XIRP2: variants seen among roughly 807,000 people sequenced by gnomAD.
XIRP2 encodes xin actin-binding repeat-containing protein 2.
Under a neutral mutation model 277.0 loss-of-function variants are expected in XIRP2, and 236 were observed. The ratio of observed to expected loss-of-function variants is 0.85; its 90% CI spans 0.77 to 0.95. The LOEUF is 0.95. XIRP2 is among the 40% of genes least tolerant of loss of function. The probability of loss-of-function intolerance (pLI) is 0.00; values close to 1 mark genes in which losing one functional copy is unlikely to be tolerated. For missense variants in XIRP2, 4,640 were observed against 4,157.5 expected (o/e 1.12, Z -3.19); for synonymous variants, 1,490 against 1,416.5 (o/e 1.05, Z -1.17).
At chr2:167,062,903 T>G (rs2105241791) in intron 2 of XIRP2, among the ~76,000 whole-genome samples, 1 of 151,776 alleles carries the variant, frequency 6.6e-6, no homozygotes, top group Non-Finnish European at 1.5e-5. Context: ...ACTTTTGGGT[T>G]GATTGATTTT....
intron 2 of XIRP2, among the ~76,000 whole-genome samples, chr2:166,925,061 T>C (rs1366523407): frequency 2.0e-5 from 3 of 152,050 alleles, no homozygotes; most frequent in African/African-American, 7.2e-5. Flanking sequence ...ACATGTGTTT[T>C]TCTCTGTGTT....
In XIRP2 at chr2:167,190,221, T is replaced by C. The variant is rs534596724; in HGVS notation, c.563-20514T>C. On this transcript the variant is annotated intron_variant, in intron 3 of 10. Coordinates refer to ENST00000409195, the MANE Select transcript of XIRP2 (RefSeq NM_152381.6). ...GAGTTGTTATGGCGGCTTCATTACA[T>C]AAGGCATGAGTGACTAAATCATTGA... 2.0e-5 allele frequency among the ~76,000 whole-genome samples: 3 copies of C among 152,236 alleles called. No homozygotes were observed. In the East Asian group the frequency reaches 5.8e-4, roughly 29 times the overall value.
At chr2:167,161,666 C>T (rs931678005) in intron 3 of XIRP2, among the ~76,000 whole-genome samples, 3 of 152,132 alleles carry the variant, frequency 2.0e-5, no homozygotes, top group South Asian at 2.1e-4. Flanking sequence ...ACTTTTTCCT[C>T]CTGCACCTCT....
intron 2 of XIRP2, among the ~76,000 whole-genome samples, chr2:166,919,773 A>C (rs1046647263): frequency 1.3e-5 from 2 of 152,122 alleles, no homozygotes; most frequent in African/African-American, 4.8e-5. Flanking sequence ...AAAAACCAGG[A>C]GCTCCACAGA....
In XIRP2 at chr2:167,221,460, CAAA is replaced by C. The variant is rs57006710; in HGVS notation, c.858+3183_858+3185del. Among the ~76,000 whole-genome samples, 126 of 63,490 alleles carry C rather than the reference CAAA, an allele frequency of 2.0e-3. 1 individual carries two copies. Among genetic ancestry groups the C allele is most frequent in the African/African-American group, 5.3e-3 (114 of 21,604 alleles). The allele number at this position is 63,490 out of a possible 152,430, so 41.7% of individuals were successfully genotyped here. On this transcript the variant is annotated intron_variant, in intron 5 of 10. Transcript: ENST00000409195. ...GGGCAACAAGAGCGAAACTCCATCT[CAAA>C]AAAAAAAAAAAAAAAAAAAAAAGGA...
chr2:167,053,378 T>A (rs1055615206), intron 2 of XIRP2, among the ~76,000 whole-genome samples: 1 of 152,206 alleles, frequency 6.6e-6, no homozygotes, highest in Non-Finnish European at 1.5e-5. Context: ...TAATGTTCTC[T>A]TGTCTTTCAA....
intron 2 of XIRP2, among the ~76,000 whole-genome samples, chr2:167,049,522 ATAAT>A (rs925641111): frequency 2.7e-5 from 4 of 145,778 alleles, no homozygotes; most frequent in Admixed American, 6.7e-5. Flanking sequence ...AAAAAAAAAC[ATAAT>A]TAAGAAAAGC....
chr2:167,108,107 T>C (rs1416466854), intron 2 of XIRP2, among the ~76,000 whole-genome samples: 2 of 149,322 alleles, frequency 1.3e-5, no homozygotes, highest in Non-Finnish European at 3.0e-5. Context: ...ATTAGTTTCT[T>C]TTATCTAAGC....
intron 2 of XIRP2, among the ~76,000 whole-genome samples, chr2:167,085,636 G>A (rs1330530476): frequency 6.6e-6 from 1 of 152,056 alleles, no homozygotes; most frequent in South Asian, 2.1e-4. Flanking sequence ...CCTGTATTGG[G>A]TGCATATATA....
intron 2 of XIRP2, among the ~76,000 whole-genome samples, chr2:166,956,360 A>G (rs1021445712): frequency 1.3e-5 from 2 of 151,844 alleles, no homozygotes; most frequent in Non-Finnish European, 2.9e-5. Flanking sequence ...TTTGAACTAT[A>G]TCTTAGGAGG....
In XIRP2 at chr2:166,996,828, G is replaced by A. The variant is rs190018729; in HGVS notation, c.408+92938G>A. ...ACATAAACTCACCTCTCAAATTTAG[G>A]AACTCACTCAATCTTCACTTCTGTC... On this transcript the variant is annotated intron_variant, in intron 2 of 10. Coordinates refer to ENST00000409195, the MANE Select transcript of XIRP2 (RefSeq NM_152381.6). 5.4e-3 allele frequency among the ~76,000 whole-genome samples: 818 copies of A among 151,986 alleles called. 8 individuals are homozygous for A. Among genetic ancestry groups the A allele is most frequent in the African/African-American group, 0.019 (780 of 41,448 alleles).
intron 1 of XIRP2, among the ~76,000 whole-genome samples, chr2:166,902,126 C>A (rs1245358891): frequency 6.6e-6 from 1 of 152,090 alleles, no homozygotes; most frequent in Non-Finnish European, 1.5e-5. Context: ...CAACCTGGGA[C>A]TGAACTTCTG....
chr2:166,927,732 T>C (rs890116412), intron 2 of XIRP2, among the ~76,000 whole-genome samples: 2 of 152,044 alleles, frequency 1.3e-5, no homozygotes, highest in East Asian at 1.9e-4. Flanking sequence ...CCCTTTGCCA[T>C]GTGTGGCCAC....
At chr2:166,902,955 C>A (rs950432442) in intron 1 of XIRP2, among the ~76,000 whole-genome samples, 2 of 152,062 alleles carry the variant, frequency 1.3e-5, no homozygotes, top group African/African-American at 4.8e-5. Context: ...TGCCTGACAA[C>A]AAAAACTTAA....
At chr2:167,047,691 T>C (rs780024351) in intron 2 of XIRP2, among the ~76,000 whole-genome samples, 6 of 151,974 alleles carry the variant, frequency 3.9e-5, no homozygotes, top group Admixed American at 2.6e-4. Context: ...AGAATATCTC[T>C]ATCACCTGTT....
At chr2:166,938,806 T>G (rs527815150) in intron 2 of XIRP2, among the ~76,000 whole-genome samples, 1 of 152,344 alleles carries the variant, frequency 6.6e-6, no homozygotes, top group South Asian at 2.1e-4. Flanking sequence ...ATATTTAGGA[T>G]AGTTAGCTCT....
At position 167,247,123 on chromosome 2, in the gene XIRP2, G is replaced by C. The variant is rs1695296985; in HGVS notation, c.5731G>C (p.Glu1911Gln). The change falls in exon 9 of 11, where the codon GAA becomes CAA. Residue 1911 changes from glutamate (E) to glutamine (Q), a missense_variant. By Grantham distance (29) the Glu-to-Gln change is conservative. Transcript: ENST00000409195. Reference protein sequence around the residue: ...CLEKATNTKTEILKKELLKDD... With the variant: ...CLEKATNTKTQILKKELLKDD... ...TGAAAAAGCTACAAATACAAAGACA[G>C]AAATTCTGAAAAAGGAGCTTCTCAA... 1.2e-6 allele frequency: 2 copies of C among 1,613,202 alleles called. No homozygotes were observed. Among genetic ancestry groups the C allele is most frequent in the African/African-American group, 2.7e-5 (2 of 74,792 alleles).
intron 2 of XIRP2, among the ~76,000 whole-genome samples, chr2:167,027,924 T>C (rs907761120): frequency 6.6e-6 from 1 of 152,054 alleles, no homozygotes; most frequent in Non-Finnish European, 1.5e-5. Context: ...AGCAAATATT[T>C]TAAAGAAAAT....
Position 167,259,447 on chromosome 2 carries a change from C to A in XIRP2, c.*1630C>A, listed in dbSNP as rs1695781432. 2.2e-6 allele frequency: 3 copies of A among 1,356,488 alleles called. No homozygotes were observed. Among genetic ancestry groups the A allele is most frequent in the Non-Finnish European group, 3.0e-6 (3 of 1,012,978 alleles). The allele number at this position is 1,356,488 out of a possible 1,614,324, so 84.0% of individuals were successfully genotyped here. A position where few individuals can be genotyped will look rare whatever the true frequency, so the allele number is the denominator to read the frequency against. ...ATAAGATTTTATGAATTTGGATACCCTTTTGAGGAACTTGATGTAAACATG... is the reference window on the plus strand; with the variant it reads ...ATAAGATTTTATGAATTTGGATACCATTTTGAGGAACTTGATGTAAACATG... On this transcript the variant is annotated 3_prime_UTR_variant, in exon 11 of 11. Coordinates refer to ENST00000409195, the MANE Select transcript of XIRP2 (RefSeq NM_152381.6).
Sources: allele counts gnomAD v4.1 joint callset (sites outside exome capture counted in the v4.1 genomes callset), GRCh38; gene constraint gnomAD v4.1.1; transcripts MANE v1.5; gene names NCBI Gene and HGNC (gene_info 2026-07-23, HGNC 2026-07-21).